SLC8A3: variants seen among roughly 807,000 people sequenced by gnomAD.
SLC8A3 encodes sodium/calcium exchanger 3.
Under a neutral mutation model 65.4 loss-of-function variants are expected in SLC8A3, and 37 were observed. That is an observed-to-expected ratio of 0.57 (90% CI 0.44 to 0.74). The LOEUF (loss-of-function observed/expected upper bound fraction) is 0.74. Among genes scored for constraint, SLC8A3 ranks in the 30% least tolerant of loss-of-function variants. The pLI is 0.00. For missense variants in SLC8A3, 1,112 were observed against 1,172.1 expected (o/e 0.95, Z 0.75); for synonymous variants, 461 against 444.5 (o/e 1.04, Z -0.47).
At chr14:70,172,158 C>A (rs1376715935) in intron 1 of SLC8A3, among the ~76,000 whole-genome samples, 1 of 152,040 alleles carries the variant, frequency 6.6e-6, no homozygotes, top group African/African-American at 2.4e-5. Context: ...TTTTCCCCCA[C>A]CCAGGACCAC....
At chr14:70,184,023 T>C (rs1882975554) in intron 1 of SLC8A3, among the ~76,000 whole-genome samples, 1 of 152,246 alleles carries the variant, frequency 6.6e-6, no homozygotes, top group African/African-American at 2.4e-5. Flanking sequence ...CACTGCAATC[T>C]ATCTTCACAT....
chr14:70,149,091 A>G (rs1295492869), intron 2 of SLC8A3, among the ~76,000 whole-genome samples: 4 of 152,204 alleles, frequency 2.6e-5, no homozygotes, highest in African/African-American at 9.7e-5. Context: ...TAAGGATCAT[A>G]CATCATAAAT....
chr14:70,067,004 C>A (rs1417190706), intron 2 of SLC8A3, among the ~76,000 whole-genome samples: 1 of 152,198 alleles, frequency 6.6e-6, no homozygotes, highest in East Asian at 1.9e-4. Context: ...TTGTAGTACA[C>A]ACAGAGCCCT....
chr14:70,177,412 A>G (rs1030373717), intron 1 of SLC8A3, among the ~76,000 whole-genome samples: 4 of 152,320 alleles, frequency 2.6e-5, no homozygotes, highest in Admixed American at 2.0e-4. Context: ...AAACCAAATA[A>G]TTACACCAAA....
At chr14:70,061,808 G>A (rs1488798947) in intron 2 of SLC8A3, among the ~76,000 whole-genome samples, 2 of 152,108 alleles carry the variant, frequency 1.3e-5, no homozygotes. Flanking sequence ...TCCAAAACTG[G>A]TTTCCTCAAT....
At chr14:70,129,835 C>T (rs78358474) in intron 2 of SLC8A3, among the ~76,000 whole-genome samples, 3 of 152,194 alleles carry the variant, frequency 2.0e-5, no homozygotes, top group Non-Finnish European at 2.9e-5. Context: ...AAACAGTAAA[C>T]TCTTGGAGGG....
At chr14:70,146,721 T>G (rs1347201736) in intron 2 of SLC8A3, among the ~76,000 whole-genome samples, 1 of 152,234 alleles carries the variant, frequency 6.6e-6, no homozygotes, top group Non-Finnish European at 1.5e-5. Flanking sequence ...GTGTCCTTTT[T>G]GCAGTCTCTT....
At chr14:70,101,437 A>C (rs1472164655) in intron 2 of SLC8A3, among the ~76,000 whole-genome samples, 1 of 152,194 alleles carries the variant, frequency 6.6e-6, no homozygotes, top group Non-Finnish European at 1.5e-5. Flanking sequence ...GAAAGAGAGA[A>C]GACTAAAAAA....
intron 1 of SLC8A3, among the ~76,000 whole-genome samples, chr14:70,178,395 G>A (rs192072651): frequency 3.8e-4 from 58 of 152,310 alleles, no homozygotes; most frequent in African/African-American, 1.4e-3. Context: ...AGGTATATGA[G>A]ATCAGTATCT....
intron 2 of SLC8A3, among the ~76,000 whole-genome samples, chr14:70,069,739 T>C (rs1231497716): frequency 2.0e-5 from 3 of 152,212 alleles, no homozygotes; most frequent in Non-Finnish European, 2.9e-5. Context: ...GGAAGGCCCC[T>C]GTTCCATGAG....
Position 70,167,426 on chromosome 14 carries a change from C to G in SLC8A3, c.997G>C (p.Asp333His), listed in dbSNP as rs11624906. 6.2e-7 allele frequency: 1 copy of G among 1,614,060 alleles called. No homozygotes were observed. The highest frequency in any genetic ancestry group is 1.3e-5 in the African/African-American group (1 of 74,924). ...TAATTGGCCATCTCCACCAGCTGAT[C>G]TAAGTCCTTCTCTGGGTGTTTTTGC... Reference protein sequence around the residue: ...LKQKHPEKDLDQLVEMANYYA... With the variant: ...LKQKHPEKDLHQLVEMANYYA... The change falls in exon 2 of 7, where the codon GAT becomes CAT. Residue 333 changes from aspartate (D) to histidine (H), a missense_variant. Asp to His is a moderately conservative substitution (Grantham distance 81). Transcript: ENST00000356921.
intron 2 of SLC8A3, among the ~76,000 whole-genome samples, chr14:70,163,597 G>A (rs888528776): frequency 2.0e-5 from 3 of 152,170 alleles, no homozygotes; most frequent in African/African-American, 7.2e-5. Context: ...TTCCAGACTG[G>A]TGTGGCAATT....
At position 70,168,058 on chromosome 14, in the gene SLC8A3, C is replaced by T; in HGVS notation, c.365G>A (p.Ser122Asn). 1 of 1,614,144 alleles carries T rather than the reference C, an allele frequency of 6.2e-7. No homozygotes were observed. ...ATTCCAGACCCGAATAGTGGTTGTG[C>T]TGGTTTCTCCATTGGGTTTCTTAAT... is the stretch of plus-strand genomic sequence containing the variant. The part of the protein sequence containing the change: ...VTIKKPNGET[S>N]TTTIRVWNET... The change falls in exon 2 of 7, where the codon AGC becomes AAC. Residue 122 changes from serine (S) to asparagine (N), a missense_variant. Coordinates refer to ENST00000356921, the MANE Select transcript of SLC8A3 (RefSeq NM_182932.3).
intron 2 of SLC8A3, among the ~76,000 whole-genome samples, chr14:70,121,674 C>A (rs945095155): frequency 1.3e-5 from 2 of 152,138 alleles, no homozygotes; most frequent in Admixed American, 6.5e-5. Flanking sequence ...TGAAAGGATT[C>A]AATCTTCTAA....
chr14:70,145,199 C>G (rs1594755505), intron 2 of SLC8A3, among the ~76,000 whole-genome samples: 1 of 152,132 alleles, frequency 6.6e-6, no homozygotes, highest in African/African-American at 2.4e-5. Flanking sequence ...CTTTCAATTT[C>G]TTTTTTGGCT....
intron 1 of SLC8A3, among the ~76,000 whole-genome samples, chr14:70,183,013 C>A (rs1228430219): frequency 2.0e-5 from 3 of 152,200 alleles, no homozygotes; most frequent in Non-Finnish European, 4.4e-5. Context: ...AGGAAGAATG[C>A]TGACGAAGCT....
chr14:70,136,198 G>C (rs1347617910), intron 2 of SLC8A3, among the ~76,000 whole-genome samples: 2 of 152,188 alleles, frequency 1.3e-5, no homozygotes, highest in Non-Finnish European at 2.9e-5. Context: ...GAGTCACCCA[G>C]CCCAGGATTG....
chr14:70,106,966 G>T (rs1245337456), intron 2 of SLC8A3, among the ~76,000 whole-genome samples: 1 of 152,112 alleles, frequency 6.6e-6, no homozygotes, highest in Non-Finnish European at 1.5e-5. Flanking sequence ...AAAGATGAGA[G>T]AAATCTTTCC....
intron 2 of SLC8A3, among the ~76,000 whole-genome samples, chr14:70,105,058 G>T (rs1045082056): frequency 6.6e-6 from 1 of 152,156 alleles, no homozygotes; most frequent in Non-Finnish European, 1.5e-5. Flanking sequence ...GGCCAGGCGC[G>T]GTGGCTCACG....
Sources: allele counts gnomAD v4.1 joint callset (sites outside exome capture counted in the v4.1 genomes callset), GRCh38; gene constraint gnomAD v4.1.1; transcripts MANE v1.5; gene names NCBI Gene and HGNC (gene_info 2026-07-23, HGNC 2026-07-21).